MAGT1: variants seen among roughly 807,000 people sequenced by gnomAD.
MAGT1 encodes magnesium transporter 1.
In MAGT1, 4 loss-of-function variants were observed where a neutral mutation model predicts 28.4. The observed-to-expected ratio is 0.14, with a 90% CI of 0.07 to 0.32. The LOEUF (loss-of-function observed/expected upper bound fraction) is 0.32. MAGT1 is among the 10% of genes least tolerant of loss of function. The pLI is 1.00. For missense variants in MAGT1, 193 were observed against 264.5 expected (o/e 0.73, Z 1.88); for synonymous variants, 89 against 89.7 (o/e 0.99, Z 0.04).
chrX:77,876,532 G>C (rs1165807426), intron 1 of MAGT1, among the ~76,000 whole-genome samples: 1 of 110,650 alleles, frequency 9.0e-6, no homozygotes, highest in African/African-American at 3.3e-5. Flanking sequence ...GTGTGGTACA[G>C]ATGAAGGGAT....
chrX:77,884,923 G>A (rs917356811), intron 1 of MAGT1, among the ~76,000 whole-genome samples: 5 of 108,996 alleles, frequency 4.6e-5, no homozygotes, highest in Non-Finnish European at 7.6e-5. Context: ...TTAGCCGGGC[G>A]CGGTGGCGGG....
chrX:77,882,516 A>G (rs1400876943), intron 1 of MAGT1, among the ~76,000 whole-genome samples: 1 of 111,882 alleles, frequency 8.9e-6, no homozygotes, highest in Non-Finnish European at 1.9e-5. Context: ...AAGCAGTAAC[A>G]GGTATTTACA....
intron 2 of MAGT1, among the ~76,000 whole-genome samples, chrX:77,874,942 C>T (rs1373608808): frequency 1.8e-5 from 2 of 108,971 alleles, no homozygotes; most frequent in Non-Finnish European, 3.8e-5. Context: ...GCAACCTCTG[C>T]CTCCCGGGTT....
intron 3 of MAGT1, chrX:77,868,733 T>C (rs1199822809): frequency 3.8e-6 from 1 of 264,378 alleles, no homozygotes; most frequent in Non-Finnish European, 7.2e-6. Flanking sequence ...GGCAGGAAAA[T>C]TGCTTGAACC....
intron 3 of MAGT1, among the ~76,000 whole-genome samples, chrX:77,867,764 T>C (rs2077011315): frequency 3.0e-5 from 2 of 67,311 alleles, no homozygotes; most frequent in African/African-American, 6.9e-5. Flanking sequence ...ACTTGTTAGC[T>C]TGCAAGTAGG....
intron 3 of MAGT1, among the ~76,000 whole-genome samples, 171 bp from the exon 4 acceptor site, chrX:77,857,668 C>G (rs1387995462): frequency 9.0e-6 from 1 of 111,540 alleles, no homozygotes; most frequent in East Asian, 2.8e-4. Flanking sequence ...GCTTTAAAAG[C>G]AAAGCTGCCT....
intron 1 of MAGT1, among the ~76,000 whole-genome samples, chrX:77,890,741 T>C: frequency 8.9e-6 from 1 of 112,054 alleles, no homozygotes. Flanking sequence ...CTGCATTAGG[T>C]ACTTCACATC....
At chrX:77,859,123 G>A (rs191663694) in intron 3 of MAGT1, among the ~76,000 whole-genome samples, 1,210 of 108,591 alleles carry the variant, frequency 0.011, 17 homozygotes, top group African/African-American at 0.039. Context: ...CAGGAGAATC[G>A]CTTGAACCCG....
intron 2 of MAGT1, among the ~76,000 whole-genome samples, chrX:77,874,582 C>T (rs1370408567): frequency 5.2e-5 from 5 of 96,649 alleles, no homozygotes; most frequent in Admixed American, 1.2e-4. Context: ...GGTGACAGAG[C>T]GAGACTTTGT....
intron 8 of MAGT1, among the ~76,000 whole-genome samples, chrX:77,834,303 CAT>C (rs782272584): frequency 8.4e-5 from 8 of 95,120 alleles, no homozygotes; most frequent in Non-Finnish European, 1.3e-4. Context: ...TATATATATA[CAT>C]GTGTGTATAT....
chrX:77,844,930 G>T (rs2076946766), intron 7 of MAGT1, among the ~76,000 whole-genome samples: 1 of 111,597 alleles, frequency 9.0e-6, no homozygotes, highest in Non-Finnish European at 1.9e-5. Flanking sequence ...GTTGATTTGG[G>T]GTGGAGAGTT....
chrX:77,853,187 T>G (rs1274889879), intron 7 of MAGT1, among the ~76,000 whole-genome samples: 1 of 111,757 alleles, frequency 8.9e-6, no homozygotes, highest in African/African-American at 3.2e-5. Context: ...AACACAAACA[T>G]AAAGCAGCTG....
chrX:77,851,461 C>A (rs1220076085), intron 7 of MAGT1, among the ~76,000 whole-genome samples: 1 of 111,141 alleles, frequency 9.0e-6, no homozygotes, highest in Non-Finnish European at 1.9e-5. Context: ...GCAACCTCTG[C>A]CTCCCAGGTT....
At chrX:77,854,034 G>A (rs782587834) in intron 6 of MAGT1, 70 bp from the exon 7 acceptor site, 104 of 810,167 alleles carry the variant, frequency 1.3e-4, no homozygotes, top group African/African-American at 3.0e-4. Context: ...ACCCTAAAAC[G>A]GGGTATTTTA....
chrX:77,829,031 C>A lies in MAGT1; in HGVS notation c.*189G>T. On this transcript the variant is annotated 3_prime_UTR_variant, in exon 10 of 10. Coordinates refer to ENST00000618282, the MANE Select transcript of MAGT1 (RefSeq NM_001367916.1). ...TAAGAGGATAATTATTTTCAAATACCTCAGATTTTGACAGAGGATTGCTTG... is the reference window on the plus strand; with the variant it reads ...TAAGAGGATAATTATTTTCAAATACATCAGATTTTGACAGAGGATTGCTTG... 8.0e-6 allele frequency: 3 copies of A among 373,845 alleles called. No homozygotes were observed. The highest frequency in any genetic ancestry group is 4.9e-5 in the South Asian group (1 of 20,490). The allele number at this position is 373,845 out of a possible 1,213,427, so 30.8% of individuals were successfully genotyped here. A position where few individuals can be genotyped will look rare whatever the true frequency, so the allele number is the denominator to read the frequency against.
intron 7 of MAGT1, among the ~76,000 whole-genome samples, chrX:77,849,310 C>G (rs897487815): frequency 2.7e-5 from 3 of 109,316 alleles, no homozygotes; most frequent in Non-Finnish European, 3.8e-5. Context: ...GAACTCCTGG[C>G]CTCAGGTGAT....
At chrX:77,834,321 C>CAT (rs782241736) in intron 8 of MAGT1, among the ~76,000 whole-genome samples, 25 of 98,093 alleles carry the variant, frequency 2.5e-4, no homozygotes, top group South Asian at 2.4e-3. Context: ...TATATATATG[C>CAT]ATATATATAT....
At chrX:77,844,359 C>G (rs1468229916) in intron 7 of MAGT1, among the ~76,000 whole-genome samples, 3 of 111,253 alleles carry the variant, frequency 2.7e-5, no homozygotes, top group African/African-American at 9.8e-5. Context: ...ATTAGTCTTG[C>G]TAGCGGTCTA....
At chrX:77,863,640 C>A (rs1381719629) in intron 3 of MAGT1, among the ~76,000 whole-genome samples, 1 of 112,222 alleles carries the variant, frequency 8.9e-6, no homozygotes, top group African/African-American at 3.2e-5. Flanking sequence ...CAAAGGGATA[C>A]CTGCACCCCC....
Sources: allele counts gnomAD v4.1 joint callset (sites outside exome capture counted in the v4.1 genomes callset), GRCh38; gene constraint gnomAD v4.1.1; transcripts MANE v1.5; gene names NCBI Gene and HGNC (gene_info 2026-07-23, HGNC 2026-07-21).